The following H2AZ2 variants were observed in gnomAD, a reference collection of about 807,000 sequenced individuals.
The protein encoded by H2AZ2 is histone H2A.V.
In H2AZ2, 5 loss-of-function variants were observed where a neutral mutation model predicts 15.5. That is an observed-to-expected ratio of 0.32 (90% confidence interval 0.17 to 0.68). H2AZ2 has a LOEUF of 0.68. Ranked by LOEUF, H2AZ2 falls within the 30% of genes least tolerant of loss-of-function variation. The pLI is 0.72. For synonymous variants in H2AZ2, 44 were observed against 57.4 expected (o/e 0.77, Z 1.05); for missense variants, 42 against 162.5 (o/e 0.26, Z 4.03).
At chr7:44,840,799 A>G in intron 3 of H2AZ2, 100 bp downstream of exon 3, 1 of 729,806 alleles carries the variant, frequency 1.4e-6, no homozygotes, top group Non-Finnish European at 2.2e-6. Context: ...AGCCCCAGTG[A>G]GCATAATATG....
rs1371702325 is a variant in H2AZ2 at position 44,842,299 on chromosome 7, AG to A, written c.81+977del. On this transcript the variant is annotated intron_variant, in intron 2 of 4. Coordinates refer to ENST00000308153, the MANE Select transcript of H2AZ2 (RefSeq NM_012412.5). Reference sequence around the variant, plus strand: ...TGCTCCTTTCTCATTCTCTTAGGTTAGGAAACTCATCCATAACATAAACTAT... The same window carrying A: ...TGCTCCTTTCTCATTCTCTTAGGTTAGAAACTCATCCATAACATAAACTAT... 3.3e-5 allele frequency among the ~76,000 whole-genome samples: 5 copies of A among 152,330 alleles called. No individual in the cohort carries two copies. The East Asian group carries it at 7.7e-4, about 23-fold the overall frequency.
rs894357459 is a variant in H2AZ2, at chr7:44,833,373, C to T, written c.*1128G>A. 5.3e-5 allele frequency among the ~76,000 whole-genome samples: 8 copies of T among 152,164 alleles called. No individual in the cohort carries two copies. Among genetic ancestry groups the T allele is most frequent in the African/African-American group, 1.9e-4 (8 of 41,420 alleles). ...TCAGCCTCCTGAGTAGCTGGGACTA[C>T]AGGCGCGTGCCACCACACCCGGCTA... On this transcript the variant is annotated 3_prime_UTR_variant, in exon 5 of 5. Coordinates refer to ENST00000308153, the MANE Select transcript of H2AZ2 (RefSeq NM_012412.5).
chr7:44,829,073 T>C (rs1240393090), downstream of H2AZ2: 2 of 152,318 alleles, frequency 1.3e-5, no homozygotes, highest in South Asian at 2.1e-4. Context: ...TTTTACCACA[T>C]AATGTAACAC....
downstream of H2AZ2, chr7:44,830,024 T>C: frequency 1.2e-6 from 1 of 817,552 alleles, no homozygotes; most frequent in East Asian, 2.6e-5. Context: ...GAGAAGCAAA[T>C]GTCCTTGTTC....
At chr7:44,846,591 AGAGT>A (rs915922234) in intron 1 of H2AZ2, among the ~76,000 whole-genome samples, 4 of 150,722 alleles carry the variant, frequency 2.7e-5, no homozygotes, top group East Asian at 1.9e-4. Flanking sequence ...GCCTGGCAAC[AGAGT>A]GAGACTCCGT....
chr7:44,831,924 G>A (rs1001825335), downstream of H2AZ2, among the ~76,000 whole-genome samples: 5 of 152,108 alleles, frequency 3.3e-5, no homozygotes, highest in African/African-American at 9.7e-5. Context: ...ACAACATGGA[G>A]CATATATCAC....
At chr7:44,831,500 C>A (rs1792998022), downstream of H2AZ2, among the ~76,000 whole-genome samples, 3 of 151,838 alleles carry the variant, frequency 2.0e-5, no homozygotes, top group Non-Finnish European at 2.9e-5. Context: ...AGTGATTCAG[C>A]CAAAGGAAAG....
chr7:44,834,654 T>G, intron 4 of H2AZ2, 92 bp from the exon 5 acceptor site: 1 of 1,189,670 alleles, frequency 8.4e-7, no homozygotes, highest in Non-Finnish European at 1.2e-6. Flanking sequence ...TTTACTTAAG[T>G]CCCTTTTCAT....
chr7:44,835,560 A>G lies in H2AZ2; in HGVS notation c.294T>C (p.Asp98=). Residue 98 remains aspartate (D), a synonymous_variant, in exon 4 of 5, where the codon GAT becomes GAC. Coordinates refer to ENST00000308153, the MANE Select transcript of H2AZ2 (RefSeq NM_012412.5). ...QLAIRGDEEL[D]SLIKATIAGG... ...CAGCTATGGTAGCCTTGATAAGAGA[A>G]TCCAACTCTTCATCACCACGGATTG... 6.2e-7 allele frequency: 1 copy of G among 1,613,900 alleles called. No individual in the cohort carries two copies. The highest frequency in any genetic ancestry group is 8.5e-7 in the Non-Finnish European group (1 of 1,179,892).
intron 3 of H2AZ2, among the ~76,000 whole-genome samples, chr7:44,839,261 T>C (rs1793209802): frequency 6.6e-6 from 1 of 152,178 alleles, no homozygotes; most frequent in Non-Finnish European, 1.5e-5. Context: ...ATTACATACA[T>C]ACTTCAAAGT....
chr7:44,838,726 A>C (rs139085447), intron 3 of H2AZ2, among the ~76,000 whole-genome samples: 1 of 152,228 alleles, frequency 6.6e-6, no homozygotes, highest in Non-Finnish European at 1.5e-5. Flanking sequence ...GAAACTATCC[A>C]TAACATCCAT....
chr7:44,827,212 A>C (rs2117014958), downstream of H2AZ2: 1 of 152,378 alleles, frequency 6.6e-6, no homozygotes, highest in East Asian at 1.9e-4. Context: ...TCCTAATTAC[A>C]GAGTTTACAA....
At chr7:44,830,290 G>A, downstream of H2AZ2, 6 of 868,262 alleles carry the variant, frequency 6.9e-6, no homozygotes, top group South Asian at 8.9e-5. Context: ...TAGGTGGTGA[G>A]TATAAGAATT....
intron 4 of H2AZ2, chr7:44,835,217 T>A: frequency 2.7e-6 from 1 of 368,594 alleles, no homozygotes; most frequent in Non-Finnish European, 4.8e-6. Flanking sequence ...GTGTATGTTA[T>A]GCAACTTCTC....
At chr7:44,828,546 C>T (rs563275661), downstream of H2AZ2, 72 of 152,326 alleles carry the variant, frequency 4.7e-4, no homozygotes, top group African/African-American at 1.7e-3. Context: ...AGTGAAGTCA[C>T]ACAGCCAGGG....
intron 3 of H2AZ2, 108 bp downstream of exon 3, chr7:44,840,791 C>T (rs557796232): frequency 1.5e-6 from 1 of 678,732 alleles, no homozygotes; most frequent in East Asian, 3.0e-5. Context: ...AACAAAAAAG[C>T]CCCAGTGAGC....
At chr7:44,841,116 TCA>T (rs1016526915) in intron 2 of H2AZ2, 104 bp from the exon 3 acceptor site, 7 of 810,074 alleles carry the variant, frequency 8.6e-6, no homozygotes, top group African/African-American at 1.7e-5. Context: ...AAAAACTTGA[TCA>T]CACATATCAG....
chr7:44,839,701 A>C (rs1169498035), intron 3 of H2AZ2, among the ~76,000 whole-genome samples: 2 of 150,336 alleles, frequency 1.3e-5, no homozygotes, highest in Non-Finnish European at 3.0e-5. Flanking sequence ...TAAATAAATA[A>C]AATAAAAATA....
rs1195131788 is a variant in H2AZ2 at position 44,834,316 on chromosome 7, A to G, written c.*185T>C. 5.3e-6 allele frequency: 7 copies of G among 1,329,380 alleles called. No homozygotes were observed. Among genetic ancestry groups the G allele is most frequent in the Non-Finnish European group, 5.8e-6 (6 of 1,034,642 alleles). 82.3% of individuals were successfully genotyped at this position (1,329,380 alleles called of 1,614,324 possible). A position where few individuals can be genotyped will look rare whatever the true frequency, so the allele number is the denominator to read the frequency against. On this transcript the variant is annotated 3_prime_UTR_variant, in exon 5 of 5. Transcript: ENST00000308153. ...CCAATCAACACACAACTGTCACCAC[A>G]TGAAAAGGTACTTTTATCAAACTTC... is the stretch of plus-strand genomic sequence containing the variant.
Sources: gnomAD v4.1 joint callset for allele counts (sites outside exome capture counted in the v4.1 genomes callset) on GRCh38, gnomAD v4.1.1 for gene constraint, MANE v1.5 for transcripts, NCBI Gene and HGNC (gene_info 2026-07-23, HGNC 2026-07-21) for gene names.